Variants in RP1L1 observed in about 807,000 individuals in gnomAD.
RP1L1 encodes retinitis pigmentosa 1-like 1 protein.
A neutral mutation model predicts 15.7 loss-of-function variants in RP1L1; 27 were observed. The ratio of observed to expected loss-of-function variants is 1.72; its 90% CI spans 1.27 to 2.38. The LOEUF (loss-of-function observed/expected upper bound fraction) is 2.38. Ranked by LOEUF, RP1L1 falls within the 30% of genes most tolerant of loss-of-function variation. RP1L1 has a pLI of 0.00. For synonymous variants in RP1L1, 1,813 were observed against 1,276.7 expected, an observed-to-expected ratio of 1.42 and a Z score of -8.96; for missense variants, 4,798 against 3,075.9, an observed-to-expected ratio of 1.56 and a Z score of -13.24.
At chr8:10,651,356 G>C (rs1010088757) in intron 1 of RP1L1, among the ~76,000 whole-genome samples, 1 of 152,212 alleles carries the variant, frequency 6.6e-6, no homozygotes, top group Non-Finnish European at 1.5e-5. Flanking sequence ...ACCTTGCCAG[G>C]TGAATCTGGG....
At chr8:10,645,395 T>C (rs1034518323) in intron 1 of RP1L1, among the ~76,000 whole-genome samples, 1 of 152,086 alleles carries the variant, frequency 6.6e-6, no homozygotes, top group Non-Finnish European at 1.5e-5. Context: ...GAGGGACACA[T>C]AAGGAAAAGG....
In RP1L1 at chr8:10,611,545, C is replaced by T. The variant is rs555571654; in HGVS notation, c.2553G>A (p.Arg851=). 1.1e-5 allele frequency: 17 copies of T among 1,595,678 alleles called. No homozygotes were observed. The South Asian group carries it at 1.8e-4, about 17-fold the overall frequency. The change falls in exon 4 of 4, where the codon AGG becomes AGA. Residue 851 remains arginine (R), a synonymous_variant. Transcript: ENST00000382483. ...GCCCCCTGGGCGGGGTGGGACAGTA[C>T]CTGCCACACAGCCAGCTAGCCTCAG... ...PSPEASWLCG[R]YCPTPPRGRP...
intron 1 of RP1L1, among the ~76,000 whole-genome samples, chr8:10,633,077 T>G (rs984885033): frequency 1.3e-5 from 2 of 152,132 alleles, no homozygotes; most frequent in African/African-American, 4.8e-5. Context: ...ATTCTCTGCA[T>G]CCAACAGCAC....
At chr8:10,634,341 G>A (rs1038802524) in intron 1 of RP1L1, among the ~76,000 whole-genome samples, 1 of 152,172 alleles carries the variant, frequency 6.6e-6, no homozygotes, top group Non-Finnish European at 1.5e-5. Context: ...AGCTGCAAGA[G>A]GCTGCAACAC....
chr8:10,644,576 T>A lies in RP1L1; in HGVS notation c.-20+10322A>T, dbSNP rs190930673. Among the ~76,000 whole-genome samples the A allele has an allele frequency of 1.2e-3, 181 of 152,276 alleles. 1 individual carries two copies. Among genetic ancestry groups the A allele is most frequent in the African/African-American group, 4.2e-3 (176 of 41,576 alleles). On this transcript the variant is annotated intron_variant, in intron 1 of 3. Coordinates refer to ENST00000382483, the MANE Select transcript of RP1L1 (RefSeq NM_178857.6). ...AGGAACCAGTCCTTCCCCTCTCTAG[T>A]TTTGGCTAATTCATTCACCTCCCTG...
intron 1 of RP1L1, among the ~76,000 whole-genome samples, chr8:10,628,144 G>A (rs1194625538): frequency 6.6e-6 from 1 of 152,178 alleles, no homozygotes; most frequent in Non-Finnish European, 1.5e-5. Flanking sequence ...TGATGGCTTT[G>A]AGTGACCTAC....
rs79563676 is a variant in RP1L1 at position 10,609,145 on chromosome 8, C to T, written c.4953G>A (p.Ala1651=). 3,202 of 1,613,480 alleles carry T rather than the reference C, an allele frequency of 2.0e-3. 88 individuals carry two copies. In the East Asian group the frequency reaches 0.058, roughly 29 times the overall value. Residue 1651 remains alanine, a synonymous_variant, in exon 4 of 4, where the codon GCG becomes GCA. Coordinates refer to ENST00000382483, the MANE Select transcript of RP1L1 (RefSeq NM_178857.6). ...TALGSQLGEE[A]EGEEFCPCEA... is the part of the protein sequence containing the mutation. ...CGCAGGGACAGAACTCCTCCCCCTCCGCCTCCTCGCCCAGCTGGCTCCCCA... is the reference window on the plus strand; with the variant it reads ...CGCAGGGACAGAACTCCTCCCCCTCTGCCTCCTCGCCCAGCTGGCTCCCCA...
In RP1L1 at chr8:10,608,810, G is replaced by A; in HGVS notation, c.5288C>T (p.Ala1763Val). The A allele has an allele frequency of 6.2e-7, 1 of 1,614,020 alleles. No individual in the cohort carries two copies. The highest frequency in any genetic ancestry group is 8.5e-7 in the Non-Finnish European group (1 of 1,180,042). The stretch of plus-strand genomic sequence containing the variant: ...CTCCTGAGCCATTGCATCTCCCTCT[G>A]CCTCCCCGAGTTTGGGATCTTTGTC... ...NRDKDPKLGE[A>V]EGDAMAQERE... Residue 1763 changes from alanine to valine, a missense_variant, in exon 4 of 4, where the codon GCA becomes GTA. By Grantham distance (64) the Ala-to-Val change is moderately conservative (BLOSUM62 0). Coordinates refer to ENST00000382483, the MANE Select transcript of RP1L1 (RefSeq NM_178857.6).
At chr8:10,636,328 G>A (rs937394669) in intron 1 of RP1L1, among the ~76,000 whole-genome samples, 4 of 152,322 alleles carry the variant, frequency 2.6e-5, no homozygotes, top group East Asian at 1.9e-4. Flanking sequence ...AAAAGGAGCC[G>A]GTCTGCAGGC....
At chr8:10,621,125 T>A (rs1798051497) in intron 2 of RP1L1, 1 of 152,350 alleles carries the variant, frequency 6.6e-6, no homozygotes, top group African/African-American at 2.4e-5. Flanking sequence ...GGTACTTTGA[T>A]GGTGCTGGAC....
Position 10,613,318 on chromosome 8 carries a change from A to G in RP1L1, c.780T>C (p.Ser260=). ...NGSWGPKTKP[S]VIHSRSPPGS... ...CTGGCGGAGACCGCGAATGGATCAC[A>G]CTCGGCTTGGTCTTTGGCCCCCAGC... Residue 260 remains serine, a synonymous_variant, in exon 4 of 4, where the codon AGT becomes AGC. Coordinates refer to ENST00000382483, the MANE Select transcript of RP1L1 (RefSeq NM_178857.6). 6.2e-7 allele frequency: 1 copy of G among 1,601,112 alleles called. No homozygotes were observed. Among genetic ancestry groups the G allele is most frequent in the Non-Finnish European group, 8.5e-7 (1 of 1,179,952 alleles).
At chr8:10,647,806 G>A (rs565633451) in intron 1 of RP1L1, among the ~76,000 whole-genome samples, 12 of 152,310 alleles carry the variant, frequency 7.9e-5, no homozygotes, top group African/African-American at 2.9e-4. Context: ...TGAACAAGAT[G>A]TACAAACAGC....
At position 10,606,643 on chromosome 8, in the gene RP1L1, CG is replaced by C. The variant is rs1183912119; in HGVS notation, c.*251del. On this transcript the variant is annotated 3_prime_UTR_variant, in exon 4 of 4. Transcript: ENST00000382483. ...AATAAATAGGAGCCGGGCTGACCTCCGATAACCGGGCAGATCCGCAGACACC... is the reference window on the plus strand; with the variant it reads ...AATAAATAGGAGCCGGGCTGACCTCCATAACCGGGCAGATCCGCAGACACC... 5 of 571,554 alleles carry C rather than the reference CG, an allele frequency of 8.7e-6. No individual in the cohort carries two copies. The highest frequency in any genetic ancestry group is 1.5e-5 in the Non-Finnish European group (5 of 331,582). 35.4% of individuals were successfully genotyped at this position (571,554 alleles called of 1,614,324 possible). A position where few individuals can be genotyped will look rare whatever the true frequency, so the allele number is the denominator to read the frequency against.
At position 10,613,299 on chromosome 8, in the gene RP1L1, G is replaced by A; in HGVS notation, c.799C>T (p.Pro267Ser). The A allele has an allele frequency of 6.2e-7, 1 of 1,603,512 alleles. No homozygotes were observed. The highest frequency in any genetic ancestry group is 1.3e-5 in the African/African-American group (1 of 75,066). Residue 267 changes from proline (P) to serine (S), a missense_variant, in exon 4 of 4, where the codon CCG (proline) becomes TCG (serine). Coordinates refer to ENST00000382483, the MANE Select transcript of RP1L1 (RefSeq NM_178857.6). ...GGCAGCCGTGGCGTGCTGCCTGGCGGAGACCGCGAATGGATCACACTCGGC... is the reference window on the plus strand; with the variant it reads ...GGCAGCCGTGGCGTGCTGCCTGGCGAAGACCGCGAATGGATCACACTCGGC... ...TKPSVIHSRS[P>S]PGSTPRLPER... is the part of the protein sequence containing the mutation.
At chr8:10,648,656 C>A (rs1798515398) in intron 1 of RP1L1, among the ~76,000 whole-genome samples, 1 of 152,190 alleles carries the variant, frequency 6.6e-6, no homozygotes, top group Non-Finnish European at 1.5e-5. Flanking sequence ...ACGTCTTTGC[C>A]AGTAAAATGG....
chr8:10,628,702 A>G (rs548381094), intron 1 of RP1L1, among the ~76,000 whole-genome samples: 134 of 152,352 alleles, frequency 8.8e-4, no homozygotes, highest in African/African-American at 3.0e-3. Context: ...AATTTTCCCA[A>G]TGATAGTTCC....
intron 2 of RP1L1, among the ~76,000 whole-genome samples, chr8:10,618,539 A>C (rs911773919): frequency 2.0e-5 from 3 of 151,888 alleles, no homozygotes; most frequent in Non-Finnish European, 4.4e-5. Context: ...AACAAACAAA[A>C]AAATTAGCCA....
At position 10,609,202 on chromosome 8, in the gene RP1L1, G is replaced by A. The variant is rs574225225; in HGVS notation, c.4896C>T (p.Thr1632=). The change falls in exon 4 of 4, where the codon ACC becomes ACT. Residue 1632 remains threonine (T), a synonymous_variant. Coordinates refer to ENST00000382483, the MANE Select transcript of RP1L1 (RefSeq NM_178857.6). The stretch of plus-strand genomic sequence containing the variant: ...TGCTGAGGGCTGGCTCGTCCTCCAG[G>A]GTGAAGGAGAGGGGCCCCAGGCCCA... The part of the protein sequence containing the change: ...RTLGLGPLSF[T]LEDEPALSTA... The A allele has an allele frequency of 1.9e-6, 3 of 1,611,150 alleles. No homozygotes were observed. Among genetic ancestry groups the A allele is most frequent in the African/African-American group, 2.7e-5 (2 of 75,054 alleles).
rs774744667 is a variant in RP1L1 at position 10,611,785 on chromosome 8, G to C, written c.2313C>G (p.Cys771Trp). 6.2e-7 allele frequency: 1 copy of C among 1,613,638 alleles called. No homozygotes were observed. The highest frequency in any genetic ancestry group is 2.2e-5 in the East Asian group (1 of 44,878). ...GWAGDAGSRT[C>W]SPAPIPPHTS... ...TGTGGGGAGGTATGGGGGCCGGCGA[G>C]CATGTCCTGGACCCCGCGTCCCCTG... Residue 771 changes from cysteine (C) to tryptophan (W), a missense_variant, in exon 4 of 4, where the codon TGC becomes TGG. Cys to Trp is a radical substitution (Grantham distance 215). Coordinates refer to ENST00000382483, the MANE Select transcript of RP1L1 (RefSeq NM_178857.6).
Sources: gnomAD v4.1 joint callset for allele counts (sites outside exome capture counted in the v4.1 genomes callset) on GRCh38, gnomAD v4.1.1 for gene constraint, MANE v1.5 for transcripts, NCBI Gene and HGNC (gene_info 2026-07-23, HGNC 2026-07-21) for gene names.